The following SEMA3E variants were observed in gnomAD, a reference collection of about 807,000 sequenced individuals.
SEMA3E encodes semaphorin-3E.
Under a neutral mutation model 93.6 loss-of-function variants are expected in SEMA3E, and 49 were observed. That is an observed-to-expected ratio of 0.52 (90% CI 0.42 to 0.66). SEMA3E has a LOEUF of 0.66. Ranked by LOEUF, SEMA3E falls within the 30% of genes least tolerant of loss-of-function variation. The pLI, the probability that SEMA3E is intolerant of heterozygous loss-of-function variation, is 0.00. For missense variants in SEMA3E, 906 were observed against 964.8 expected, an observed-to-expected ratio of 0.94 and a Z score of 0.81; for synonymous variants, 363 against 330.7, an observed-to-expected ratio of 1.10 and a Z score of -1.06.
intron 4 of SEMA3E, among the ~76,000 whole-genome samples, chr7:83,440,686 A>T (rs992646645): frequency 1.3e-5 from 2 of 151,936 alleles, no homozygotes; most frequent in Non-Finnish European, 2.9e-5. Context: ...AGTGGTACAC[A>T]TCTGTAATCC....
intron 1 of SEMA3E, among the ~76,000 whole-genome samples, chr7:83,529,562 G>C (rs762418536): frequency 9.9e-5 from 15 of 152,078 alleles, no homozygotes; most frequent in Non-Finnish European, 1.5e-4. Context: ...TGCATACGAA[G>C]AGACTTTAAT....
chr7:83,504,681 T>C (rs1474632924), intron 1 of SEMA3E, among the ~76,000 whole-genome samples: 1 of 152,170 alleles, frequency 6.6e-6, no homozygotes, highest in African/African-American at 2.4e-5. Context: ...CTGGCAATTA[T>C]CAGTTAGTAT....
intron 4 of SEMA3E, among the ~76,000 whole-genome samples, chr7:83,459,915 G>A (rs1164408700): frequency 1.3e-5 from 2 of 152,106 alleles, no homozygotes; most frequent in African/African-American, 2.4e-5. Context: ...AGCACCTTGC[G>A]ACCCCCACTC....
intron 1 of SEMA3E, among the ~76,000 whole-genome samples, chr7:83,569,150 A>T (rs975399634): frequency 6.6e-6 from 1 of 152,044 alleles, no homozygotes; most frequent in African/African-American, 2.4e-5. Flanking sequence ...TACAAAAAAA[A>T]AAAAATCTTA....
intron 16 of SEMA3E, among the ~76,000 whole-genome samples, chr7:83,379,452 T>C (rs1167039499): frequency 1.3e-5 from 2 of 151,922 alleles, no homozygotes; most frequent in African/African-American, 4.8e-5. Context: ...TTACTACATA[T>C]AAAGCACTTA....
intron 9 of SEMA3E, among the ~76,000 whole-genome samples, chr7:83,404,438 T>C (rs983457483): frequency 6.6e-6 from 1 of 151,940 alleles, no homozygotes; most frequent in East Asian, 1.9e-4. Flanking sequence ...AATTCAGTAA[T>C]ATTATTCTAG....
At chr7:83,607,821 A>G (rs1254595890) in intron 1 of SEMA3E, among the ~76,000 whole-genome samples, 2 of 152,152 alleles carry the variant, frequency 1.3e-5, no homozygotes, top group African/African-American at 4.8e-5. Context: ...TGGGAGGAGG[A>G]GCCTTGGAGA....
At chr7:83,474,391 T>C (rs907769196) in intron 2 of SEMA3E, among the ~76,000 whole-genome samples, 1 of 152,208 alleles carries the variant, frequency 6.6e-6, no homozygotes, top group African/African-American at 2.4e-5. Context: ...TTCGATGTTG[T>C]TATTCATTGG....
chr7:83,436,463 C>G (rs1789007196), intron 4 of SEMA3E, among the ~76,000 whole-genome samples: 1 of 151,532 alleles, frequency 6.6e-6, no homozygotes, highest in Admixed American at 6.6e-5. Context: ...AATTTCGTTA[C>G]TTGTTAAATA....
chr7:83,633,944 G>A (rs566681061), intron 1 of SEMA3E, among the ~76,000 whole-genome samples: 1 of 152,096 alleles, frequency 6.6e-6, no homozygotes, highest in African/African-American at 2.4e-5. Context: ...TTCCTTAACT[G>A]GCAAGAATTC....
chr7:83,503,335 T>A (rs562890727), intron 1 of SEMA3E, among the ~76,000 whole-genome samples: 1 of 152,284 alleles, frequency 6.6e-6, no homozygotes, highest in East Asian at 1.9e-4. Flanking sequence ...GGAAGTTTGT[T>A]TTTTTCTTTA....
chr7:83,429,641 C>T (rs571506596), intron 4 of SEMA3E, among the ~76,000 whole-genome samples: 2 of 152,296 alleles, frequency 1.3e-5, no homozygotes, highest in Admixed American at 6.5e-5. Context: ...AGTCTAACCT[C>T]AAGAATGGGC....
intron 1 of SEMA3E, among the ~76,000 whole-genome samples, chr7:83,491,422 C>A (rs2115981130): frequency 6.6e-6 from 1 of 151,820 alleles, no homozygotes; most frequent in East Asian, 1.9e-4. Flanking sequence ...TTATCTATAT[C>A]TCTACCCTCA....
intron 5 of SEMA3E, among the ~76,000 whole-genome samples, chr7:83,411,502 A>T (rs1182063703): frequency 6.6e-6 from 1 of 152,148 alleles, no homozygotes; most frequent in Non-Finnish European, 1.5e-5. Flanking sequence ...AATTGATAAT[A>T]ATTATGTTTA....
At chr7:83,393,039 C>CAAAA (rs59283673) in intron 13 of SEMA3E, among the ~76,000 whole-genome samples, 2,458 of 128,734 alleles carry the variant, frequency 0.019, 79 homozygotes, top group African/African-American at 0.061. Context: ...AACTCCATCT[C>CAAAA]AAAAAAAAAA....
At chr7:83,574,962 A>G (rs1792369146) in intron 1 of SEMA3E, among the ~76,000 whole-genome samples, 1 of 152,228 alleles carries the variant, frequency 6.6e-6, no homozygotes, top group Non-Finnish European at 1.5e-5. Flanking sequence ...GATATAGAAC[A>G]TAAATTAATG....
rs1794621678 is a variant in SEMA3E, at chr7:83,363,859, CATTTTTTTTTTT to C, written c.*3715_*3726del. Reference sequence around the variant, plus strand: ...AGGCTACAGGTGTCACAGGTCAATTCATTTTTTTTTTTTTTTTTTTTTTTTTTTTTTTTTTTT... The same window carrying C: ...AGGCTACAGGTGTCACAGGTCAATTCTTTTTTTTTTTTTTTTTTTTTTTTT... On this transcript the variant is annotated 3_prime_UTR_variant, in exon 17 of 17. Transcript: ENST00000643230. The C allele has an allele frequency of 7.0e-5, 7 of 100,558 alleles. No homozygotes were observed. The highest frequency in any genetic ancestry group is 2.3e-4 in the African/African-American group (5 of 21,430). 6.2% of individuals were successfully genotyped at this position (100,558 alleles called of 1,614,324 possible). A position where few individuals can be genotyped will look rare whatever the true frequency, so the allele number is the denominator to read the frequency against.
chr7:83,632,354 T>A (rs1448633895), intron 1 of SEMA3E, among the ~76,000 whole-genome samples: 1 of 152,202 alleles, frequency 6.6e-6, no homozygotes, highest in Non-Finnish European at 1.5e-5. Context: ...CTATCTGATA[T>A]GGCTTTGTTG....
chr7:83,494,095 T>C (rs1490772101), intron 1 of SEMA3E, among the ~76,000 whole-genome samples: 1 of 151,908 alleles, frequency 6.6e-6, no homozygotes, highest in Non-Finnish European at 1.5e-5. Context: ...AGATGACTTA[T>C]ACAAATATAT....
Sources: gnomAD v4.1 joint callset for allele counts (sites outside exome capture counted in the v4.1 genomes callset) on GRCh38, gnomAD v4.1.1 for gene constraint, MANE v1.5 for transcripts, NCBI Gene and HGNC (gene_info 2026-07-23, HGNC 2026-07-21) for gene names.